CNTN6: variants seen among roughly 807,000 people sequenced by gnomAD.
CNTN6 encodes contactin-6.
A neutral mutation model predicts 122.8 loss-of-function variants in CNTN6; 137 were observed. The ratio of observed to expected loss-of-function variants is 1.12; its 90% confidence interval spans 0.97 to 1.29. The LOEUF (loss-of-function observed/expected upper bound fraction) is 1.29, where lower values mean the gene tolerates loss of function less well. Among genes scored for constraint, CNTN6 ranks in the 50% most tolerant of loss-of-function variants. The pLI is 0.00. For synonymous variants in CNTN6, 570 were observed against 426.0 expected, an observed-to-expected ratio of 1.34 and a Z score of -4.16; for missense variants, 1,634 against 1,223.4, an observed-to-expected ratio of 1.34 and a Z score of -5.01.
At chr3:1,383,458 G>C (rs561837120) in intron 19 of CNTN6, 50 bp downstream of exon 19, 5 of 1,352,942 alleles carry the variant, frequency 3.7e-6, no homozygotes, top group Non-Finnish European at 5.3e-6. Flanking sequence ...AATGGACTTC[G>C]CAATAGCTCC....
At chr3:1,224,118 G>A (rs1255511593) in intron 3 of CNTN6, among the ~76,000 whole-genome samples, 1 of 152,148 alleles carries the variant, frequency 6.6e-6, no homozygotes, top group Non-Finnish European at 1.5e-5. Flanking sequence ...TCTGTCAGAG[G>A]TCTGGGGATG....
chr3:1,364,580 C>T (rs866979095), intron 12 of CNTN6, among the ~76,000 whole-genome samples: 1 of 151,666 alleles, frequency 6.6e-6, no homozygotes, highest in Non-Finnish European at 1.5e-5. Context: ...TAACTGCCAT[C>T]CCCTTGCTTC....
chr3:1,381,022 G>C (rs1691792939), intron 17 of CNTN6, among the ~76,000 whole-genome samples: 1 of 152,118 alleles, frequency 6.6e-6, no homozygotes, highest in Admixed American at 6.5e-5. Flanking sequence ...ATAAAGGGAA[G>C]TATCTAAATA....
Position 1,220,799 on chromosome 3 carries a change from T to C in CNTN6, c.168T>C (p.Pro56=). 1.2e-6 allele frequency: 2 copies of C among 1,605,482 alleles called. No homozygotes were observed. Residue 56 remains proline, a synonymous_variant, in exon 3 of 23, where the codon CCT becomes CCC. Coordinates refer to ENST00000446702, the MANE Select transcript of CNTN6 (RefSeq NM_001289080.2). The part of the protein sequence containing the change: ...VILNCAANGY[P]SPHYRWKQNG... ...TGAATTGTGCTGCTAATGGTTACCC[T>C]TCGCCTCATTATAGGTAAAATCCTA...
intron 1 of CNTN6, among the ~76,000 whole-genome samples, chr3:1,117,841 G>A (rs939592020): frequency 2.0e-5 from 3 of 152,128 alleles, no homozygotes; most frequent in African/African-American, 7.2e-5. Flanking sequence ...CCTTTATACA[G>A]CAATTCTAAA....
intron 8 of CNTN6, 36 bp downstream of exon 8, chr3:1,321,870 T>A: frequency 6.6e-7 from 1 of 1,507,422 alleles, no homozygotes; most frequent in Non-Finnish European, 9.0e-7. Context: ...TATAAAATAT[T>A]TGGTAATGCC....
At chr3:1,096,831 G>A (rs2090551896) in intron 1 of CNTN6, among the ~76,000 whole-genome samples, 1 of 152,150 alleles carries the variant, frequency 6.6e-6, no homozygotes, top group Non-Finnish European at 1.5e-5. Flanking sequence ...TTCAAGTCGT[G>A]TTTTGGGGTT....
In CNTN6 at chr3:1,277,346, C is replaced by CTTTTTTTTTTT. The variant is rs10599744; in HGVS notation, c.359-1046_359-1036dup. ...CTACTTCTGTCTTTTAGTAGGTTTTCTTTTTTTTTTTTTTTTTTTTTTTTT... is the reference window on the plus strand; with the variant it reads ...CTACTTCTGTCTTTTAGTAGGTTTTCTTTTTTTTTTTTTTTTTTTTTTTTTTTTTTTTTTTT... On this transcript the variant is annotated intron_variant, in intron 4 of 22. Transcript: ENST00000446702. Among the ~76,000 whole-genome samples the CTTTTTTTTTTT allele has an allele frequency of 2.0e-3, 162 of 80,142 alleles. 27 individuals are homozygous for CTTTTTTTTTTT. The highest frequency in any genetic ancestry group is 6.4e-3 in the East Asian group (17 of 2,664). 52.6% of individuals were successfully genotyped at this position (80,142 alleles called of 152,430 possible).
At chr3:1,260,792 C>T (rs553794814) in intron 4 of CNTN6, among the ~76,000 whole-genome samples, 38 of 151,970 alleles carry the variant, frequency 2.5e-4, no homozygotes, top group African/African-American at 8.4e-4. Flanking sequence ...TACCTGATGC[C>T]GCCGTGTAAA....
chr3:1,255,569 G>GA (rs1465220781), intron 4 of CNTN6, among the ~76,000 whole-genome samples: 1 of 152,096 alleles, frequency 6.6e-6, no homozygotes, highest in African/African-American at 2.4e-5. Flanking sequence ...TGTATCCTAG[G>GA]AACAGTAGAG....
intron 14 of CNTN6, among the ~76,000 whole-genome samples, chr3:1,373,206 A>C (rs546920341): frequency 6.6e-6 from 1 of 152,278 alleles, no homozygotes; most frequent in Admixed American, 6.5e-5. Flanking sequence ...AAGCGGTGTC[A>C]GTAACTAAAA....
At chr3:1,389,571 C>A (rs1693772116) in intron 20 of CNTN6, among the ~76,000 whole-genome samples, 1 of 152,132 alleles carries the variant, frequency 6.6e-6, no homozygotes, top group Admixed American at 6.5e-5. Context: ...ACAATATTAA[C>A]TTTAAATGTA....
At chr3:1,374,323 T>G (rs1709554909) in intron 16 of CNTN6, among the ~76,000 whole-genome samples, 2 of 152,104 alleles carry the variant, frequency 1.3e-5, no homozygotes, top group Admixed American at 1.3e-4. Context: ...AAACTGTGTT[T>G]GCATCGCATC....
Position 1,230,446 on chromosome 3 carries a change from T to C in CNTN6, c.358+2453T>C, listed in dbSNP as rs145354057. On this transcript the variant is annotated intron_variant, in intron 4 of 22. Coordinates refer to ENST00000446702, the MANE Select transcript of CNTN6 (RefSeq NM_001289080.2). ...AATTCTTTCTTTCACTATTATTACC[T>C]ATCTCAACTTAGACAGACATCTATA... 4.0e-3 allele frequency among the ~76,000 whole-genome samples: 615 copies of C among 152,326 alleles called. 5 individuals carry two copies. The highest frequency in any genetic ancestry group is 4.4e-3 in the Non-Finnish European group (302 of 68,018).
At chr3:1,286,597 C>T (rs895022361) in intron 5 of CNTN6, among the ~76,000 whole-genome samples, 3 of 152,284 alleles carry the variant, frequency 2.0e-5, no homozygotes, top group Non-Finnish European at 4.4e-5. Flanking sequence ...ATGTGACAGT[C>T]TATCATTGAT....
intron 11 of CNTN6, among the ~76,000 whole-genome samples, chr3:1,331,753 C>A (rs1702321826): frequency 6.6e-6 from 1 of 150,934 alleles, no homozygotes. Context: ...CTTCCACAAG[C>A]TTTAAAGGTC....
At chr3:1,264,542 C>T (rs929691546) in intron 4 of CNTN6, among the ~76,000 whole-genome samples, 7 of 151,986 alleles carry the variant, frequency 4.6e-5, no homozygotes, top group Admixed American at 1.3e-4. Context: ...CTTAAACCAG[C>T]TTCATCTGTA....
At chr3:1,345,198 C>A (rs978389929) in intron 11 of CNTN6, among the ~76,000 whole-genome samples, 1 of 151,918 alleles carries the variant, frequency 6.6e-6, no homozygotes, top group Admixed American at 6.6e-5. Context: ...CCTACTGCAA[C>A]CTCCACCTCC....
At chr3:1,237,123 G>C (rs1430160307) in intron 4 of CNTN6, among the ~76,000 whole-genome samples, 2 of 151,784 alleles carry the variant, frequency 1.3e-5, no homozygotes, top group African/African-American at 4.8e-5. Flanking sequence ...GTGAAGTCCA[G>C]CTTAAAGAAA....
Sources: allele counts gnomAD v4.1 joint callset (sites outside exome capture counted in the v4.1 genomes callset), GRCh38; gene constraint gnomAD v4.1.1; transcripts MANE v1.5; gene names NCBI Gene and HGNC (gene_info 2026-07-23, HGNC 2026-07-21).